NEO1: variants seen among roughly 807,000 people sequenced by gnomAD.
NEO1 encodes neogenin 1.
NEO1 carries 63 observed loss-of-function variants against 159.7 expected under a neutral mutation model. The ratio of observed to expected loss-of-function variants is 0.39; its 90% CI spans 0.32 to 0.49. The LOEUF (loss-of-function observed/expected upper bound fraction) is 0.49. Among genes scored for constraint, NEO1 ranks in the 20% least tolerant of loss-of-function variants. The pLI is 0.85. For synonymous variants in NEO1, 633 were observed against 662.0 expected, an observed-to-expected ratio of 0.96 and a Z score of 0.67; for missense variants, 1,615 against 1,831.0, an observed-to-expected ratio of 0.88 and a Z score of 2.15.
At position 73,237,862 on chromosome 15, in the gene NEO1, C is replaced by T. The variant is rs1051396518; in HGVS notation, c.1451+1356C>T. On this transcript the variant is annotated intron_variant, in intron 8 of 28. Transcript: ENST00000261908. ...AGGAAGAAACCATTTAGTAATTCTG[C>T]GTAATAAGCTTTATTTCTGCAGTAG... Among the ~76,000 whole-genome samples, 15 of 152,296 alleles carry T rather than the reference C, an allele frequency of 9.8e-5. No individual in the cohort carries two copies. The East Asian group carries it at 2.7e-3, about 27-fold the overall frequency.
intron 1 of NEO1, among the ~76,000 whole-genome samples, chr15:73,055,019 A>G (rs1389091096): frequency 6.6e-6 from 1 of 152,178 alleles, no homozygotes; most frequent in Non-Finnish European, 1.5e-5. Context: ...AATAGGATAA[A>G]TGGAAAGTGT....
Position 73,227,222 on chromosome 15 carries a change from G to A in NEO1, c.1292-9125G>A, listed in dbSNP as rs542282435. 2.0e-5 allele frequency among the ~76,000 whole-genome samples: 3 copies of A among 152,292 alleles called. No homozygotes were observed. The East Asian group carries it at 5.8e-4, about 29-fold the overall frequency. On this transcript the variant is annotated intron_variant, in intron 7 of 28. Transcript: ENST00000261908. The stretch of plus-strand genomic sequence containing the variant: ...AATATAAAGCCGGGTCAGGCCGGGC[G>A]CAGTGGCTCATACCTGTAATCCCAG...
At chr15:73,212,408 A>G (rs2037631962) in intron 7 of NEO1, among the ~76,000 whole-genome samples, 1 of 152,128 alleles carries the variant, frequency 6.6e-6, no homozygotes, top group Non-Finnish European at 1.5e-5. Flanking sequence ...TTCTTCTTTC[A>G]TATATTATAG....
At chr15:73,214,511 C>G (rs1318204024) in intron 7 of NEO1, among the ~76,000 whole-genome samples, 1 of 152,158 alleles carries the variant, frequency 6.6e-6, no homozygotes, top group African/African-American at 2.4e-5. Context: ...TATCCCAGCA[C>G]CATTTGTTGA....
chr15:73,089,410 A>G (rs919095836), intron 1 of NEO1, among the ~76,000 whole-genome samples: 2 of 152,120 alleles, frequency 1.3e-5, no homozygotes, highest in Non-Finnish European at 2.9e-5. Flanking sequence ...ATAAATGAAA[A>G]TGTTTTGACA....
At chr15:73,137,115 A>G (rs117811101) in intron 5 of NEO1, among the ~76,000 whole-genome samples, 77 of 152,080 alleles carry the variant, frequency 5.1e-4, no homozygotes, top group Non-Finnish European at 8.8e-4. Context: ...TTTCACAAAC[A>G]TATATATTAC....
chr15:73,212,098 C>T (rs1366226805), intron 7 of NEO1, among the ~76,000 whole-genome samples: 1 of 152,168 alleles, frequency 6.6e-6, no homozygotes, highest in Non-Finnish European at 1.5e-5. Flanking sequence ...TAACACTGAT[C>T]ATGTGGTTAA....
chr15:73,077,193 G>A (rs1002813413), intron 1 of NEO1, among the ~76,000 whole-genome samples: 38 of 152,048 alleles, frequency 2.5e-4, no homozygotes, highest in East Asian at 9.7e-4. Context: ...ACAGGTGCCC[G>A]CCACCACGCC....
At position 73,278,122 on chromosome 15, in the gene NEO1, C is replaced by T; in HGVS notation, c.3194-9C>T. 6.2e-7 allele frequency: 1 copy of T among 1,606,708 alleles called. No individual in the cohort carries two copies. Among genetic ancestry groups the T allele is most frequent in the East Asian group, 2.2e-5 (1 of 44,774 alleles). ...GGGGTCATTATTGACATGATTTCTT[C>T]TCCTTTAGCCTCAGGGTCTGGAGGG... On this transcript the variant is annotated splice_polypyrimidine_tract_variant and intron_variant, in intron 21 of 28. Transcript: ENST00000261908.
intron 9 of NEO1, 81 bp from the exon 10 acceptor site, chr15:73,248,979 A>G (rs2039937885): frequency 2.2e-6 from 3 of 1,372,550 alleles, no homozygotes; most frequent in Admixed American, 2.0e-5. Flanking sequence ...AACGTGGCCA[A>G]TATGACAGTA....
rs115435973 is a variant in NEO1 at position 73,145,371 on chromosome 15, G to A, written c.1015+9344G>A. ...TTGATGTAACCTTGGAGGGCAGTTT[G>A]GTAATTTTATCAAAAGCTTTAAAAC... On this transcript the variant is annotated intron_variant, in intron 5 of 28. Transcript: ENST00000261908. 3.3e-5 allele frequency among the ~76,000 whole-genome samples: 5 copies of A among 152,092 alleles called. No homozygotes were observed. The East Asian group carries it at 9.6e-4, about 29-fold the overall frequency.
intron 1 of NEO1, among the ~76,000 whole-genome samples, chr15:73,114,171 G>A (rs1230073574): frequency 6.6e-6 from 1 of 152,154 alleles, no homozygotes; most frequent in African/African-American, 2.4e-5. Context: ...TGAGCTTGAA[G>A]GAAGACTGAG....
intron 7 of NEO1, among the ~76,000 whole-genome samples, chr15:73,196,334 A>G (rs1032184300): frequency 3.9e-5 from 6 of 152,306 alleles, no homozygotes; most frequent in Non-Finnish European, 7.4e-5. Context: ...AATTGTTTAT[A>G]TAAGTCATTT....
rs10524460 is a variant in NEO1, at chr15:73,295,125, A to AATATATATAT, written c.3901+1586_3901+1595dup. 5.9e-4 allele frequency among the ~76,000 whole-genome samples: 59 copies of AATATATATAT among 100,150 alleles called. 6 individuals carry two copies. Among genetic ancestry groups the AATATATATAT allele is most frequent in the Middle Eastern group, 4.7e-3 (1 of 212 alleles). The allele number at this position is 100,150 out of a possible 152,430, so 65.7% of individuals were successfully genotyped here. ...AAGATCCCGTCTCTACTAAATATTA[A>AATATATATAT]ATATATATATATATATATGTAAAAA... On this transcript the variant is annotated intron_variant, in intron 26 of 28. Transcript: ENST00000261908.
intron 16 of NEO1, among the ~76,000 whole-genome samples, chr15:73,266,655 T>C (rs2040914539): frequency 1.3e-5 from 2 of 152,182 alleles, no homozygotes; most frequent in African/African-American, 4.8e-5. Context: ...ACGTTTTTAA[T>C]CTGTTAGGAT....
In NEO1 at chr15:73,293,546, C is replaced by T. The variant is rs750102577; in HGVS notation, c.3899C>T (p.Thr1300Ile). The change falls in exon 26 of 29, where the codon ACA becomes ATA. Residue 1300 changes from threonine to isoleucine, a missense_variant and splice_region_variant. Coordinates refer to ENST00000261908, the MANE Select transcript of NEO1 (RefSeq NM_002499.4). ...SMSLSDRANS[T>I]ESVRNTPSTD... ...TCCCTTTCAGACAGGGCCAATTCCA[C>T]AGGTGAGAGATGAGGATCAAGCCCA... is the stretch of plus-strand genomic sequence containing the variant. 1 of 1,613,952 alleles carries T rather than the reference C, an allele frequency of 6.2e-7. No homozygotes were observed.
At chr15:73,059,609 G>T (rs547615923) in intron 1 of NEO1, among the ~76,000 whole-genome samples, 1 of 152,276 alleles carries the variant, frequency 6.6e-6, no homozygotes, top group African/African-American at 2.4e-5. Flanking sequence ...GAGATATTAG[G>T]TAACTTGATT....
At chr15:73,166,946 T>TA (rs2034609791) in intron 5 of NEO1, among the ~76,000 whole-genome samples, 1 of 151,678 alleles carries the variant, frequency 6.6e-6, no homozygotes, top group African/African-American at 2.4e-5. Context: ...TATGCAGCCA[T>TA]AAAAAAGGAT....
intron 1 of NEO1, among the ~76,000 whole-genome samples, chr15:73,106,187 A>G (rs929420819): frequency 2.6e-5 from 4 of 152,146 alleles, no homozygotes; most frequent in Non-Finnish European, 5.9e-5. Context: ...ATTCCTCACA[A>G]TTATTGTCAT....
Sources: gnomAD v4.1 joint callset for allele counts (sites outside exome capture counted in the v4.1 genomes callset) on GRCh38, gnomAD v4.1.1 for gene constraint, MANE v1.5 for transcripts, NCBI Gene and HGNC (gene_info 2026-07-23, HGNC 2026-07-21) for gene names.